Variants in TOX3 observed in about 807,000 individuals in gnomAD.
TOX3 encodes the protein CAG trinucleotide repeat-containing gene F9 protein.
A neutral mutation model predicts 64.3 loss-of-function variants in TOX3; 22 were observed. The ratio of observed to expected loss-of-function variants is 0.34; its 90% CI spans 0.24 to 0.49. The LOEUF is 0.49. Among genes scored for constraint, TOX3 ranks in the 20% least tolerant of loss-of-function variants. The pLI, the probability that TOX3 is intolerant of heterozygous loss-of-function variation, is 0.99. For missense variants in TOX3, 661 were observed against 714.4 expected (o/e 0.93, Z 0.85); for synonymous variants, 291 against 273.6 (o/e 1.06, Z -0.63).
intron 3 of TOX3, among the ~76,000 whole-genome samples, chr16:52,458,432 C>T (rs1960587731): frequency 6.6e-6 from 1 of 152,104 alleles, no homozygotes; most frequent in Non-Finnish European, 1.5e-5. Flanking sequence ...AATATTTGAG[C>T]CATCATGTCA....
intron 3 of TOX3, among the ~76,000 whole-genome samples, chr16:52,454,803 T>C (rs1004083737): frequency 5.3e-5 from 8 of 152,176 alleles, no homozygotes; most frequent in African/African-American, 1.9e-4. Flanking sequence ...TGCGATTATT[T>C]TACACATTAA....
chr16:52,438,666 G>GA lies in TOX3; in HGVS notation c.*558dup, dbSNP rs1051754468. On this transcript the variant is annotated 3_prime_UTR_variant, in exon 7 of 7. Transcript: ENST00000219746. ...GCATTTTTTTTCTGGAGAGATTTAG[G>GA]AAAAAAAATAAGAGCTTTGGCAAAA... 5 of 178,542 alleles carry GA rather than the reference G, an allele frequency of 2.8e-5. No individual in the cohort carries two copies. Among genetic ancestry groups the GA allele is most frequent in the African/African-American group, 4.8e-5 (2 of 41,362 alleles). 11.1% of individuals were successfully genotyped at this position (178,542 alleles called of 1,614,324 possible).
intron 3 of TOX3, among the ~76,000 whole-genome samples, chr16:52,458,769 A>T (rs529199202): frequency 6.6e-6 from 1 of 152,158 alleles, no homozygotes; most frequent in Non-Finnish European, 1.5e-5. Flanking sequence ...AATAAAGAAT[A>T]TTTATTTTAA....
chr16:52,448,278 T>G (rs796399672), intron 4 of TOX3, among the ~76,000 whole-genome samples: 4 of 152,322 alleles, frequency 2.6e-5, no homozygotes, highest in African/African-American at 9.6e-5. Context: ...CTGTATTGCC[T>G]TTACACAAAA....
intron 3 of TOX3, among the ~76,000 whole-genome samples, chr16:52,453,223 G>A (rs1390247948): frequency 7.0e-6 from 1 of 143,644 alleles, no homozygotes; most frequent in African/African-American, 2.6e-5. Context: ...TCGCTCTGTT[G>A]CCCAGGCTGG....
intron 1 of TOX3, among the ~76,000 whole-genome samples, chr16:52,536,292 A>G (rs1298402387): frequency 6.6e-6 from 1 of 152,082 alleles, no homozygotes; most frequent in African/African-American, 2.4e-5. Flanking sequence ...GGGGAAAAGG[A>G]TATTTTAGAA....
chr16:52,471,407 T>TG (rs1158443158), intron 1 of TOX3, among the ~76,000 whole-genome samples: 1 of 152,172 alleles, frequency 6.6e-6, no homozygotes, highest in African/African-American at 2.4e-5. Flanking sequence ...AGTGCTCCTT[T>TG]GGGGCAGGTC....
intron 2 of TOX3, among the ~76,000 whole-genome samples, chr16:52,466,104 T>C (rs1345331089): frequency 6.6e-6 from 1 of 152,224 alleles, no homozygotes; most frequent in Non-Finnish European, 1.5e-5. Context: ...CTGTAATTTG[T>C]GACTCATTTG....
intron 3 of TOX3, among the ~76,000 whole-genome samples, chr16:52,452,361 G>T (rs1252847357): frequency 6.6e-6 from 1 of 152,168 alleles, no homozygotes; most frequent in Non-Finnish European, 1.5e-5. Context: ...CCTTGTGATA[G>T]ATTGCTGAGA....
At chr16:52,510,359 A>G (rs1962271981) in intron 1 of TOX3, among the ~76,000 whole-genome samples, 1 of 152,214 alleles carries the variant, frequency 6.6e-6, no homozygotes. Context: ...AAGTATGTTG[A>G]GCAGAAATAG....
intron 4 of TOX3, among the ~76,000 whole-genome samples, chr16:52,447,538 C>G (rs540511992): frequency 1.3e-5 from 2 of 152,306 alleles, no homozygotes; most frequent in South Asian, 4.1e-4. Flanking sequence ...ACTGTTTGCA[C>G]TATTTAAGTG....
intron 1 of TOX3, among the ~76,000 whole-genome samples, chr16:52,515,944 T>G (rs1476236334): frequency 6.7e-6 from 1 of 148,762 alleles, no homozygotes; most frequent in Non-Finnish European, 1.5e-5. Context: ...TTTTCTCTTT[T>G]CTTTCCCATT....
intron 3 of TOX3, among the ~76,000 whole-genome samples, chr16:52,456,621 T>C (rs1960524729): frequency 6.6e-6 from 1 of 152,186 alleles, no homozygotes; most frequent in Non-Finnish European, 1.5e-5. Context: ...TGGGTAGCAA[T>C]CCCTCATTTT....
Position 52,439,097 on chromosome 16 carries a change from G to A in TOX3, c.*128C>T, listed in dbSNP as rs1226030251. On this transcript the variant is annotated 3_prime_UTR_variant, in exon 7 of 7. Transcript: ENST00000219746. ...CTTATTGCCTATCTAATAGACACTT[G>A]AGAGGACCGTTTGATCTGTTACACA... The A allele has an allele frequency of 7.4e-7, 1 of 1,360,470 alleles. No individual in the cohort carries two copies. The highest frequency in any genetic ancestry group is 1.4e-5 in the African/African-American group (1 of 69,884). The allele number at this position is 1,360,470 out of a possible 1,614,324, so 84.3% of individuals were successfully genotyped here.
intron 4 of TOX3, among the ~76,000 whole-genome samples, chr16:52,448,691 C>T (rs546177133): frequency 1.1e-4 from 17 of 152,314 alleles, no homozygotes; most frequent in Non-Finnish European, 2.2e-4. Context: ...CCTCTTCTTC[C>T]TTTTGCTACT....
intron 3 of TOX3, among the ~76,000 whole-genome samples, chr16:52,456,031 A>G (rs1174209546): frequency 1.3e-5 from 2 of 152,202 alleles, no homozygotes; most frequent in African/African-American, 4.8e-5. Flanking sequence ...CATACTGCCG[A>G]TAAGGAAATG....
chr16:52,468,721 T>C (rs1960942156), intron 1 of TOX3, 147 bp from the exon 2 acceptor site: 2 of 601,702 alleles, frequency 3.3e-6, no homozygotes, highest in Middle Eastern at 4.0e-4. Flanking sequence ...GGCTATACTG[T>C]CAGCTGGTTC....
chr16:52,518,116 G>A lies in TOX3; in HGVS notation c.87+28521C>T, dbSNP rs142002919. On this transcript the variant is annotated intron_variant, in intron 1 of 6. Coordinates refer to ENST00000219746, the MANE Select transcript of TOX3 (RefSeq NM_001080430.4). ...AAATATTTAGAGTCTAAAAAGATGA[G>A]ATTCATTATTTTGCACAGTAACACA... Among the ~76,000 whole-genome samples, 488 of 152,184 alleles carry A rather than the reference G, an allele frequency of 3.2e-3. 2 individuals are homozygous for A. The highest frequency in any genetic ancestry group is 0.011 in the African/African-American group (472 of 41,526).
intron 1 of TOX3, among the ~76,000 whole-genome samples, chr16:52,514,475 C>T (rs1459792516): frequency 6.6e-6 from 1 of 152,064 alleles, no homozygotes; most frequent in African/African-American, 2.4e-5. Flanking sequence ...TGAAAAGAAG[C>T]CATTTAAGAA....
Sources: gnomAD v4.1 joint callset for allele counts (sites outside exome capture counted in the v4.1 genomes callset) on GRCh38, gnomAD v4.1.1 for gene constraint, MANE v1.5 for transcripts, NCBI Gene and HGNC (gene_info 2026-07-23, HGNC 2026-07-21) for gene names.